Variants in PCLO observed in about 807,000 individuals in gnomAD.
PCLO encodes protein piccolo.
Under a neutral mutation model 427.5 loss-of-function variants are expected in PCLO, and 82 were observed. The observed-to-expected ratio is 0.19, with a 90% CI of 0.16 to 0.23. PCLO has a LOEUF of 0.23. Among genes scored for constraint, PCLO ranks in the 10% least tolerant of loss-of-function variants. The pLI, the probability that PCLO is intolerant of heterozygous loss-of-function variation, is 1.00. For missense variants in PCLO, 6,239 were observed against 6,115.9 expected, an observed-to-expected ratio of 1.02 and a Z score of -0.67; for synonymous variants, 2,357 against 2,155.4, an observed-to-expected ratio of 1.09 and a Z score of -2.59.
At chr7:83,134,229 A>ATG (rs1179117471) in intron 3 of PCLO, 21 bp downstream of exon 3, 1 of 675,366 alleles carries the variant, frequency 1.5e-6, no homozygotes, top group Non-Finnish European at 2.1e-6. Flanking sequence ...ATATATATAT[A>ATG]TATATATATA....
At chr7:82,983,477 G>T (rs1029892448) in intron 3 of PCLO, among the ~76,000 whole-genome samples, 15 of 150,526 alleles carry the variant, frequency 1.0e-4, no homozygotes, top group African/African-American at 2.4e-4. Flanking sequence ...AATTTGTTAA[G>T]AATTAGAAAT....
intron 20 of PCLO, among the ~76,000 whole-genome samples, chr7:82,809,867 T>C (rs1791533114): frequency 6.6e-6 from 1 of 151,604 alleles, no homozygotes; most frequent in South Asian, 2.1e-4. Context: ...TTCAACTATA[T>C]TTTTTAACCC....
chr7:83,149,379 A>G (rs1162260589), intron 2 of PCLO, among the ~76,000 whole-genome samples: 2 of 152,128 alleles, frequency 1.3e-5, no homozygotes, highest in Non-Finnish European at 2.9e-5. Flanking sequence ...GGAATTCTTC[A>G]ACATACCAAC....
chr7:82,795,628 T>C (rs2129468518), intron 22 of PCLO, among the ~76,000 whole-genome samples: 1 of 152,288 alleles, frequency 6.6e-6, no homozygotes, highest in South Asian at 2.1e-4. Context: ...ATAAGTTGAC[T>C]ATAAAACTCT....
intron 3 of PCLO, among the ~76,000 whole-genome samples, chr7:83,018,433 A>G (rs1398855999): frequency 6.6e-6 from 1 of 152,028 alleles, no homozygotes; most frequent in East Asian, 1.9e-4. Context: ...TACACTTTCT[A>G]AATTTTCTAC....
intron 21 of PCLO, among the ~76,000 whole-genome samples, chr7:82,804,875 C>A (rs1368611807): frequency 6.6e-6 from 1 of 151,960 alleles, no homozygotes; most frequent in African/African-American, 2.4e-5. Flanking sequence ...CTGCTTTTGC[C>A]CTGGCGTAAA....
At chr7:82,881,992 A>G (rs145403756) in intron 9 of PCLO, among the ~76,000 whole-genome samples, 1 of 152,206 alleles carries the variant, frequency 6.6e-6, no homozygotes, top group Non-Finnish European at 1.5e-5. Context: ...AGATCAAGAA[A>G]TTTTTGAAGA....
rs182568075 is a variant in PCLO at position 83,000,112 on chromosome 7, A to C, written c.3301-33625T>G. Among the ~76,000 whole-genome samples, 77 of 151,160 alleles carry C rather than the reference A, an allele frequency of 5.1e-4. 1 individual carries two copies. The highest frequency in any genetic ancestry group is 1.7e-3 in the African/African-American group (71 of 41,334). On this transcript the variant is annotated intron_variant, in intron 3 of 24. Coordinates refer to ENST00000333891, the MANE Select transcript of PCLO (RefSeq NM_033026.6). ...ACTAGGTATATCATATTCAAACCAC[A>C]GAGGATCAAAGATACAGAAAAATAT...
At chr7:83,000,654 A>G (rs1787800196) in intron 3 of PCLO, among the ~76,000 whole-genome samples, 1 of 151,988 alleles carries the variant, frequency 6.6e-6, no homozygotes, top group African/African-American at 2.4e-5. Flanking sequence ...TGAGAGTCTA[A>G]TGCCACTTGC....
At chr7:83,107,225 T>C (rs565605843) in intron 3 of PCLO, among the ~76,000 whole-genome samples, 2 of 152,298 alleles carry the variant, frequency 1.3e-5, no homozygotes, top group South Asian at 4.1e-4. Context: ...ATAAATTTAT[T>C]ATAGTCTATT....
Position 82,805,792 on chromosome 7 carries a change from C to G in PCLO, c.14829G>C (p.Val4943=). Reference sequence around the variant, plus strand: ...AGCTGCTGCCCGAGGAGCCGGTGGACACAGAGCTTTCTGCAGGCCGGTGAT... The same window carrying G: ...AGCTGCTGCCCGAGGAGCCGGTGGAGACAGAGCTTTCTGCAGGCCGGTGAT... The part of the protein sequence containing the change: ...PPNHRPAESS[V]STGSSGSSFG... Residue 4943 remains valine, a synonymous_variant, in exon 21 of 25, where the codon GTG becomes GTC. Coordinates refer to ENST00000333891, the MANE Select transcript of PCLO (RefSeq NM_033026.6). 1 of 1,608,180 alleles carries G rather than the reference C, an allele frequency of 6.2e-7. No homozygotes were observed. The highest frequency in any genetic ancestry group is 1.3e-5 in the African/African-American group (1 of 74,944).
intron 6 of PCLO, among the ~76,000 whole-genome samples, chr7:82,917,626 A>T (rs1003717177): frequency 1.3e-5 from 2 of 152,088 alleles, no homozygotes; most frequent in African/African-American, 4.8e-5. Flanking sequence ...AAAAGACATG[A>T]GAGATTACTT....
At position 83,156,498 on chromosome 7, in the gene PCLO, T is replaced by A. The variant is rs906506732; in HGVS notation, c.249-106A>T. 2.3e-5 allele frequency: 16 copies of A among 683,460 alleles called. No homozygotes were observed. In the Middle Eastern group the frequency reaches 1.6e-3, roughly 68 times the overall value. The allele number at this position is 683,460 out of a possible 1,614,324, so 42.3% of individuals were successfully genotyped here. ...TTGCTTATATCTTCAAAATTATGAA[T>A]GTATAAATATAACTAGAACCCATTT... On this transcript the variant is annotated intron_variant, in intron 1 of 24. Transcript: ENST00000333891.
chr7:83,023,959 G>A lies in PCLO; in HGVS notation c.3301-57472C>T, dbSNP rs145372219. Among the ~76,000 whole-genome samples the A allele has an allele frequency of 5.5e-3, 841 of 152,226 alleles. 5 individuals carry two copies. Among genetic ancestry groups the A allele is most frequent in the African/African-American group, 0.018 (768 of 41,534 alleles). ...AAACAAAATTGATAGAAATGCTGCC[G>A]TTGAGTAATTCCCAAGAGCTGACTC... On this transcript the variant is annotated intron_variant, in intron 3 of 24. Transcript: ENST00000333891.
intron 2 of PCLO, among the ~76,000 whole-genome samples, chr7:83,137,969 G>A (rs953095794): frequency 6.6e-6 from 1 of 152,128 alleles, no homozygotes; most frequent in East Asian, 1.9e-4. Flanking sequence ...AAGGAAATAT[G>A]TCTATAAATA....
At chr7:83,058,541 A>G (rs144138714) in intron 3 of PCLO, among the ~76,000 whole-genome samples, 41 of 152,326 alleles carry the variant, frequency 2.7e-4, no homozygotes, top group African/African-American at 9.4e-4. Context: ...ATCAATACAG[A>G]TCAATTAAAT....
At chr7:83,151,948 C>G (rs867707435) in intron 2 of PCLO, among the ~76,000 whole-genome samples, 44 of 151,844 alleles carry the variant, frequency 2.9e-4, no homozygotes, top group Admixed American at 1.1e-3. Context: ...AACTGAAAAG[C>G]CCTATACAAA....
At chr7:82,850,429 T>C (rs186586409) in intron 10 of PCLO, among the ~76,000 whole-genome samples, 3 of 152,236 alleles carry the variant, frequency 2.0e-5, no homozygotes, top group Admixed American at 2.0e-4. Context: ...AAAAAGACAA[T>C]AATTAGGTAA....
intron 5 of PCLO, among the ~76,000 whole-genome samples, 172 bp downstream of exon 5, chr7:82,951,684 T>C (rs1014993040): frequency 6.6e-6 from 1 of 152,126 alleles, no homozygotes; most frequent in Non-Finnish European, 1.5e-5. Flanking sequence ...ACAAATTTTT[T>C]TTAAAATGAA....
Sources: allele counts gnomAD v4.1 joint callset (sites outside exome capture counted in the v4.1 genomes callset), GRCh38; gene constraint gnomAD v4.1.1; transcripts MANE v1.5; gene names NCBI Gene and HGNC (gene_info 2026-07-23, HGNC 2026-07-21).